Variants in TEAD1 observed in about 807,000 individuals in gnomAD.
TEAD1 encodes the protein TEA domain transcription factor 1, also known as transcriptional enhancer factor TEF-1.
A neutral mutation model predicts 54.9 loss-of-function variants in TEAD1; 9 were observed. The observed-to-expected ratio is 0.16, with a 90% CI of 0.10 to 0.29. TEAD1 has a LOEUF of 0.29. TEAD1 is among the 10% of genes least tolerant of loss of function. The pLI, the probability that TEAD1 is intolerant of heterozygous loss-of-function variation, is 1.00. For synonymous variants in TEAD1, 200 were observed against 187.8 expected (o/e 1.07, Z -0.53); for missense variants, 387 against 535.9 (o/e 0.72, Z 2.74).
chr11:12,784,920 C>G (rs1945646690), intron 3 of TEAD1, among the ~76,000 whole-genome samples: 2 of 152,172 alleles, frequency 1.3e-5, no homozygotes, highest in African/African-American at 4.8e-5. Context: ...GTGAGGGGAT[C>G]CTGGAGAATC....
chr11:12,710,550 G>A (rs1355375154), intron 2 of TEAD1, among the ~76,000 whole-genome samples: 2 of 152,098 alleles, frequency 1.3e-5, no homozygotes, highest in Admixed American at 6.5e-5. Flanking sequence ...TGAGAATAGA[G>A]TGGTGCTGGT....
At chr11:12,705,443 GATCCC>G (rs2133844070) in intron 2 of TEAD1, among the ~76,000 whole-genome samples, 1 of 152,296 alleles carries the variant, frequency 6.6e-6, no homozygotes, top group South Asian at 2.1e-4. Flanking sequence ...CCCAAATCTG[GATCCC>G]ATTTGCTCTT....
intron 3 of TEAD1, among the ~76,000 whole-genome samples, chr11:12,847,851 G>C (rs774138008): frequency 2.6e-5 from 4 of 152,152 alleles, no homozygotes; most frequent in Non-Finnish European, 5.9e-5. Flanking sequence ...GAAAAACCAA[G>C]CAGCTGTCCT....
At chr11:12,905,333 G>A (rs962760162) in intron 10 of TEAD1, among the ~76,000 whole-genome samples, 1 of 152,040 alleles carries the variant, frequency 6.6e-6, no homozygotes, top group Middle Eastern at 3.2e-3. Context: ...GGTAGCTGTT[G>A]GGAGATGTGC....
At chr11:12,795,501 T>C (rs1945897569) in intron 3 of TEAD1, among the ~76,000 whole-genome samples, 1 of 152,188 alleles carries the variant, frequency 6.6e-6, no homozygotes, top group Admixed American at 6.5e-5. Flanking sequence ...TGGTCACAAT[T>C]AGGCAGTGTT....
At chr11:12,719,580 G>C (rs1470130689) in intron 2 of TEAD1, among the ~76,000 whole-genome samples, 1 of 142,332 alleles carries the variant, frequency 7.0e-6, no homozygotes, top group African/African-American at 2.5e-5. Flanking sequence ...TTTTTGGGGG[G>C]AGGGGGGGCG....
chr11:12,917,473 A>G (rs1262656985), intron 10 of TEAD1, among the ~76,000 whole-genome samples: 1 of 152,236 alleles, frequency 6.6e-6, no homozygotes, highest in African/African-American at 2.4e-5. Context: ...GTAGCAGAGA[A>G]AATTAATATA....
intron 3 of TEAD1, among the ~76,000 whole-genome samples, chr11:12,789,107 C>A (rs549801119): frequency 6.6e-6 from 1 of 152,284 alleles, no homozygotes; most frequent in African/African-American, 2.4e-5. Context: ...AGATTTTTGT[C>A]ATCTCAGTTT....
Position 12,937,258 on chromosome 11 carries a change from C to T in TEAD1, c.*36C>T. On this transcript the variant is annotated 3_prime_UTR_variant, in exon 13 of 13. Coordinates refer to ENST00000527636, the MANE Select transcript of TEAD1 (RefSeq NM_021961.6). ...TTATATATATAGATATCTGTATATA[C>T]ACACACACATATGTGCACACACACA... is the stretch of plus-strand genomic sequence containing the variant. The T allele has an allele frequency of 9.1e-6, 12 of 1,313,950 alleles. No homozygotes were observed. Among genetic ancestry groups the T allele is most frequent in the Non-Finnish European group, 1.2e-5 (11 of 914,678 alleles). The allele number at this position is 1,313,950 out of a possible 1,614,324, so 81.4% of individuals were successfully genotyped here. A position where few individuals can be genotyped will look rare whatever the true frequency, so the allele number is the denominator to read the frequency against.
rs529164140 is a variant in TEAD1, at chr11:12,726,605, A to G, written c.-54-37574A>G. ...AATTTTGGGCTGGGCACGGTGGCTC[A>G]TGTCTATAATTCCAGCTCTTTGGGA... is the stretch of plus-strand genomic sequence containing the variant. On this transcript the variant is annotated intron_variant, in intron 2 of 12. Transcript: ENST00000527636. 3.0e-4 allele frequency among the ~76,000 whole-genome samples: 45 copies of G among 152,350 alleles called. 1 individual carries two copies. Among genetic ancestry groups the G allele is most frequent in the African/African-American group, 1.0e-3 (43 of 41,588 alleles).
Position 12,723,665 on chromosome 11 carries a change from T to G in TEAD1, c.-54-40514T>G, listed in dbSNP as rs548198622. Among the ~76,000 whole-genome samples the G allele has an allele frequency of 1.2e-4, 18 of 152,320 alleles. No homozygotes were observed. The South Asian group carries it at 3.7e-3, about 32-fold the overall frequency. On this transcript the variant is annotated intron_variant, in intron 2 of 12. Coordinates refer to ENST00000527636, the MANE Select transcript of TEAD1 (RefSeq NM_021961.6). ...TCCCCTGTAAGCCCTGTTGTTGTCT[T>G]TTTGGAGATAAAACATAAAAGGATC...
intron 2 of TEAD1, among the ~76,000 whole-genome samples, chr11:12,687,162 A>T (rs1217789660): frequency 6.6e-6 from 1 of 152,236 alleles, no homozygotes; most frequent in African/African-American, 2.4e-5. Flanking sequence ...TGGGAAGATG[A>T]TGCTGTACTG....
At position 12,854,203 on chromosome 11, in the gene TEAD1, G is replaced by GT. The variant is rs1947327916; in HGVS notation, c.203-8042dup. On this transcript the variant is annotated intron_variant, in intron 3 of 12. Coordinates refer to ENST00000527636, the MANE Select transcript of TEAD1 (RefSeq NM_021961.6). ...ATGCTGTGGGACTGGTTCAGAGGCT[G>GT]TTTTTCATGAGCCTGTCCTTACACC... Among the ~76,000 whole-genome samples, 6 of 152,270 alleles carry GT rather than the reference G, an allele frequency of 3.9e-5. No individual in the cohort carries two copies. The South Asian group carries it at 1.2e-3, about 32-fold the overall frequency.
chr11:12,929,731 C>T (rs1171660853), intron 11 of TEAD1, among the ~76,000 whole-genome samples: 8 of 151,894 alleles, frequency 5.3e-5, no homozygotes, highest in African/African-American at 7.3e-5. Flanking sequence ...GCTCATGATC[C>T]GTGAGAAATA....
At chr11:12,908,881 C>CTTTTTTTTTTTTTTTTTTT (rs1564986691) in intron 10 of TEAD1, among the ~76,000 whole-genome samples, 1 of 74,318 alleles carries the variant, frequency 1.3e-5, no homozygotes, top group African/African-American at 6.2e-5. Context: ...TTCAAATTAT[C>CTTTTTTTTTTTTTTTTTTT]TGTTTTTTTT....
intron 9 of TEAD1, 89 bp downstream of exon 9, chr11:12,883,214 C>G (rs1023172908): frequency 4.0e-4 from 635 of 1,591,078 alleles, no homozygotes; most frequent in Non-Finnish European, 5.2e-4. Flanking sequence ...TCCTCCTTTA[C>G]CCCGCCCCAT....
intron 3 of TEAD1, among the ~76,000 whole-genome samples, chr11:12,819,170 A>G (rs1946476582): frequency 6.6e-6 from 1 of 152,194 alleles, no homozygotes; most frequent in Non-Finnish European, 1.5e-5. Flanking sequence ...TATGATGCAG[A>G]TGATGAGCCA....
At chr11:12,687,861 G>C (rs1436817841) in intron 2 of TEAD1, among the ~76,000 whole-genome samples, 1 of 152,254 alleles carries the variant, frequency 6.6e-6, no homozygotes, top group South Asian at 2.1e-4. Flanking sequence ...TATACTCACC[G>C]TTGAGAGAGA....
chr11:12,882,459 AT>A (rs1947993393), intron 8 of TEAD1, among the ~76,000 whole-genome samples: 1 of 152,084 alleles, frequency 6.6e-6, no homozygotes, highest in Non-Finnish European at 1.5e-5. Context: ...TGTGTGTAGA[AT>A]TACTCCTTTG....
Sources: allele counts gnomAD v4.1 joint callset (sites outside exome capture counted in the v4.1 genomes callset), GRCh38; gene constraint gnomAD v4.1.1; transcripts MANE v1.5; gene names NCBI Gene and HGNC (gene_info 2026-07-23, HGNC 2026-07-21).